The following HIPK2 variants were observed in gnomAD, a reference collection of about 807,000 sequenced individuals.
HIPK2 encodes homeodomain-interacting protein kinase 2.
In HIPK2, 27 loss-of-function variants were observed where a neutral mutation model predicts 113.7. That is an observed-to-expected ratio of 0.24 (90% CI 0.17 to 0.33). The LOEUF is 0.33. Among genes scored for constraint, HIPK2 ranks in the 10% least tolerant of loss-of-function variants. The probability of loss-of-function intolerance (pLI) is 1.00; values close to 1 mark genes in which losing one functional copy is unlikely to be tolerated. For missense variants in HIPK2, 1,257 were observed against 1,588.0 expected, an observed-to-expected ratio of 0.79 and a Z score of 3.54; for synonymous variants, 631 against 642.2, an observed-to-expected ratio of 0.98 and a Z score of 0.26.
intron 6 of HIPK2, among the ~76,000 whole-genome samples, chr7:139,625,196 C>G (rs980580422): frequency 1.3e-5 from 2 of 152,152 alleles, no homozygotes; most frequent in Non-Finnish European, 1.5e-5. Flanking sequence ...TCCCCAGTCA[C>G]CCCTCTATTT....
intron 1 of HIPK2, among the ~76,000 whole-genome samples, chr7:139,767,679 T>G (rs895237572): frequency 2.0e-5 from 3 of 152,264 alleles, no homozygotes; most frequent in African/African-American, 7.2e-5. Context: ...TCATCAGCTT[T>G]GCTTTAGGAA....
At chr7:139,702,376 A>G (rs1016009645) in intron 2 of HIPK2, among the ~76,000 whole-genome samples, 4 of 152,188 alleles carry the variant, frequency 2.6e-5, no homozygotes, top group Non-Finnish European at 5.9e-5. Flanking sequence ...TGAGCCCAGC[A>G]TGTGGCCTTG....
intron 12 of HIPK2, among the ~76,000 whole-genome samples, chr7:139,593,576 C>A (rs918495774): frequency 3.9e-5 from 6 of 152,140 alleles, no homozygotes; most frequent in African/African-American, 1.4e-4. Flanking sequence ...GTCTAAAAGC[C>A]CCTTTGGTGG....
chr7:139,688,027 C>T (rs1471955618), intron 2 of HIPK2, among the ~76,000 whole-genome samples: 1 of 152,178 alleles, frequency 6.6e-6, no homozygotes, highest in Admixed American at 6.5e-5. Context: ...TCTCAAGCAG[C>T]ATGGATTCTT....
chr7:139,608,690 T>G (rs1226275012), intron 9 of HIPK2, among the ~76,000 whole-genome samples: 1 of 152,124 alleles, frequency 6.6e-6, no homozygotes, highest in Non-Finnish European at 1.5e-5. Context: ...GATCAGGCAT[T>G]GGTGGTAACT....
intron 9 of HIPK2, among the ~76,000 whole-genome samples, chr7:139,610,517 C>T (rs1423822724): frequency 2.6e-5 from 4 of 152,136 alleles, no homozygotes; most frequent in African/African-American, 7.2e-5. Context: ...GAGAGAGGAA[C>T]GAAGAGAAGG....
intron 13 of HIPK2, among the ~76,000 whole-genome samples, chr7:139,577,668 C>T (rs937580092): frequency 6.6e-6 from 1 of 152,140 alleles, no homozygotes; most frequent in Non-Finnish European, 1.5e-5. Flanking sequence ...GTTCCTTAAA[C>T]GCTAAAGAAC....
At chr7:139,644,046 C>T (rs1388606821) in intron 2 of HIPK2, among the ~76,000 whole-genome samples, 1 of 152,158 alleles carries the variant, frequency 6.6e-6, no homozygotes, top group East Asian at 1.9e-4. Flanking sequence ...AAAGAATGTG[C>T]TCAACAAATG....
At chr7:139,713,070 G>T (rs1398196328) in intron 2 of HIPK2, among the ~76,000 whole-genome samples, 3 of 152,170 alleles carry the variant, frequency 2.0e-5, no homozygotes, top group African/African-American at 7.2e-5. Context: ...GGTGATTTCA[G>T]GGGTGAAAAG....
Position 139,572,792 on chromosome 7 carries a change from C to CCCAG in HIPK2, c.*134_*135insCTGG. ...CCCCCCCCCCCCCCCGCCCCTGCCC[C>CCCAG]GTTTGCATTGTTTGTGTGCGGCATC... On this transcript the variant is annotated 3_prime_UTR_variant, in exon 15 of 15. Coordinates refer to ENST00000406875, the MANE Select transcript of HIPK2 (RefSeq NM_022740.5). 5.4e-6 allele frequency: 1 copy of CCCAG among 183,674 alleles called. No homozygotes were observed. The highest frequency in any genetic ancestry group is 1.0e-5 in the Non-Finnish European group (1 of 97,446). 11.4% of individuals were successfully genotyped at this position (183,674 alleles called of 1,614,324 possible).
intron 2 of HIPK2, among the ~76,000 whole-genome samples, chr7:139,660,311 G>A (rs1462882969): frequency 6.6e-6 from 1 of 152,162 alleles, no homozygotes; most frequent in African/African-American, 2.4e-5. Context: ...TGTTGTTGTT[G>A]TTTTTAATTA....
At chr7:139,761,086 T>C (rs978109546) in intron 1 of HIPK2, among the ~76,000 whole-genome samples, 1 of 152,200 alleles carries the variant, frequency 6.6e-6, no homozygotes, top group Non-Finnish European at 1.5e-5. Flanking sequence ...GAAGTGGTTA[T>C]TAAACTCCTT....
At chr7:139,746,780 C>G (rs1796197622) in intron 1 of HIPK2, among the ~76,000 whole-genome samples, 1 of 152,220 alleles carries the variant, frequency 6.6e-6, no homozygotes, top group African/African-American at 2.4e-5. Context: ...GGTGGCTCAG[C>G]TCCTTCCTTC....
intron 1 of HIPK2, among the ~76,000 whole-genome samples, chr7:139,746,090 G>C (rs866427728): frequency 1.1e-4 from 16 of 152,284 alleles, no homozygotes; most frequent in Middle Eastern, 6.8e-3. Flanking sequence ...GCTACCAACT[G>C]CATCTGCAAA....
At chr7:139,665,053 T>G (rs1294485207) in intron 2 of HIPK2, among the ~76,000 whole-genome samples, 1 of 151,882 alleles carries the variant, frequency 6.6e-6, no homozygotes, top group East Asian at 1.9e-4. Flanking sequence ...TTTTTTTTTT[T>G]TTTAGACAGG....
intron 1 of HIPK2, among the ~76,000 whole-genome samples, chr7:139,748,757 G>C (rs952401414): frequency 6.6e-6 from 1 of 152,048 alleles, no homozygotes; most frequent in African/African-American, 2.4e-5. Flanking sequence ...TGGGGGTTAG[G>C]ACTTCAACAT....
chr7:139,685,662 T>A (rs1171949559), intron 2 of HIPK2, among the ~76,000 whole-genome samples: 1 of 152,200 alleles, frequency 6.6e-6, no homozygotes, highest in East Asian at 1.9e-4. Context: ...CTAAGGTCCT[T>A]AAGAATTGTG....
chr7:139,681,829 G>A (rs902149196), intron 2 of HIPK2, among the ~76,000 whole-genome samples: 4 of 152,174 alleles, frequency 2.6e-5, no homozygotes. Flanking sequence ...AAGGTCTGAT[G>A]TTCTCTGAGC....
chr7:139,601,607 T>A (rs1799427332), intron 10 of HIPK2, among the ~76,000 whole-genome samples: 1 of 152,310 alleles, frequency 6.6e-6, no homozygotes, highest in Non-Finnish European at 1.5e-5. Context: ...TCAAAATTAA[T>A]AACAGTCATG....
Sources: allele counts gnomAD v4.1 joint callset (sites outside exome capture counted in the v4.1 genomes callset), GRCh38; gene constraint gnomAD v4.1.1; transcripts MANE v1.5; gene names NCBI Gene and HGNC (gene_info 2026-07-23, HGNC 2026-07-21).